SYT1: variants seen among roughly 807,000 people sequenced by gnomAD.
SYT1 encodes the protein synaptotagmin 1.
A neutral mutation model predicts 44.8 loss-of-function variants in SYT1; 8 were observed. The observed-to-expected ratio is 0.18, with a 90% CI of 0.10 to 0.32. The LOEUF (loss-of-function observed/expected upper bound fraction) is 0.32, where lower values mean the gene tolerates loss of function less well. Among genes scored for constraint, SYT1 ranks in the 10% least tolerant of loss-of-function variants. The pLI, the probability that SYT1 is intolerant of heterozygous loss-of-function variation, is 1.00. For missense variants in SYT1, 286 were observed against 509.3 expected (o/e 0.56, Z 4.22); for synonymous variants, 154 against 188.8 (o/e 0.82, Z 1.51).
At chr12:78,947,323 T>C (rs192054634) in intron 1 of SYT1, among the ~76,000 whole-genome samples, 119 of 152,262 alleles carry the variant, frequency 7.8e-4, no homozygotes, top group Non-Finnish European at 1.5e-3. Context: ...CAAAGCTCTT[T>C]TCCTGAAGGA....
At chr12:79,293,926 A>C (rs976698450) in intron 6 of SYT1, among the ~76,000 whole-genome samples, 1 of 152,138 alleles carries the variant, frequency 6.6e-6, no homozygotes, top group Admixed American at 6.5e-5. Flanking sequence ...CTTCTATGAA[A>C]ATTTGAGCAT....
At chr12:79,222,108 A>T (rs1416821767) in intron 4 of SYT1, among the ~76,000 whole-genome samples, 1 of 152,070 alleles carries the variant, frequency 6.6e-6, no homozygotes, top group Non-Finnish European at 1.5e-5. Context: ...AGCATGTTTT[A>T]TAATATTCCA....
At chr12:78,881,490 T>C (rs1043212271) in intron 1 of SYT1, among the ~76,000 whole-genome samples, 1 of 151,788 alleles carries the variant, frequency 6.6e-6, no homozygotes, top group Non-Finnish European at 1.5e-5. Flanking sequence ...TGGAGGAATG[T>C]CTGGCACATA....
chr12:79,416,527 G>A (rs759307098), intron 9 of SYT1, among the ~76,000 whole-genome samples: 46 of 152,090 alleles, frequency 3.0e-4, no homozygotes, highest in Non-Finnish European at 5.0e-4. Context: ...TTTTTTCAAA[G>A]ATTAAAAAAT....
chr12:79,178,943 G>T lies in SYT1; in HGVS notation c.-17-38560G>T, dbSNP rs60865546. Reference sequence around the variant, plus strand: ...ATATAGATATATCTATATAGATATAGATATAGATATAGATATAGATATAGA... The same window carrying T: ...ATATAGATATATCTATATAGATATATATATAGATATAGATATAGATATAGA... On this transcript the variant is annotated intron_variant, in intron 3 of 10. Coordinates refer to ENST00000261205, the MANE Select transcript of SYT1 (RefSeq NM_005639.3). 4.5e-3 allele frequency among the ~76,000 whole-genome samples: 247 copies of T among 55,238 alleles called. 33 individuals are homozygous for T. The highest frequency in any genetic ancestry group is 8.0e-3 in the African/African-American group (98 of 12,256). The allele number at this position is 55,238 out of a possible 152,430, so 36.2% of individuals were successfully genotyped here.
intron 9 of SYT1, chr12:79,392,214 T>A: frequency 6.6e-6 from 1 of 152,188 alleles, no homozygotes; most frequent in Admixed American, 6.5e-5. Flanking sequence ...GGCAATATAC[T>A]TTGGGCAATT....
intron 3 of SYT1, among the ~76,000 whole-genome samples, chr12:79,064,972 G>GA (rs1191624097): frequency 4.7e-5 from 7 of 148,214 alleles, no homozygotes; most frequent in Non-Finnish European, 7.5e-5. Context: ...AAGAAAGAAA[G>GA]AAAGAAAGAA....
chr12:79,245,751 A>G (rs1256262267), intron 4 of SYT1, among the ~76,000 whole-genome samples: 1 of 152,198 alleles, frequency 6.6e-6, no homozygotes, highest in Admixed American at 6.5e-5. Flanking sequence ...TAGATCATGT[A>G]GTAGGATAAA....
chr12:79,255,908 G>A (rs1276534212), intron 4 of SYT1, among the ~76,000 whole-genome samples: 2 of 152,176 alleles, frequency 1.3e-5, no homozygotes, highest in South Asian at 2.1e-4. Context: ...TTAGACAGAT[G>A]CCTAATAATT....
intron 2 of SYT1, among the ~76,000 whole-genome samples, chr12:79,027,384 G>A (rs1176835087): frequency 1.3e-5 from 2 of 151,478 alleles, no homozygotes; most frequent in African/African-American, 4.8e-5. Flanking sequence ...GAGTCCATGA[G>A]AGTGAGGACT....
At chr12:78,881,831 G>A (rs1187092326) in intron 1 of SYT1, among the ~76,000 whole-genome samples, 1 of 151,550 alleles carries the variant, frequency 6.6e-6, no homozygotes, top group African/African-American at 2.4e-5. Context: ...TGATTCTAGG[G>A]CTCATCTTTG....
intron 1 of SYT1, among the ~76,000 whole-genome samples, chr12:78,928,605 G>T (rs1293982091): frequency 6.6e-6 from 1 of 152,016 alleles, no homozygotes; most frequent in Non-Finnish European, 1.5e-5. Context: ...TCAATTAAGG[G>T]TTCCTTGAAC....
intron 8 of SYT1, among the ~76,000 whole-genome samples, chr12:79,331,335 A>G (rs758410638): frequency 2.0e-5 from 3 of 152,178 alleles, no homozygotes; most frequent in East Asian, 1.9e-4. Context: ...ATATATATCT[A>G]TGATTCATCT....
intron 3 of SYT1, among the ~76,000 whole-genome samples, chr12:79,137,978 A>G (rs1869308385): frequency 6.6e-6 from 1 of 152,210 alleles, no homozygotes; most frequent in Non-Finnish European, 1.5e-5. Flanking sequence ...GATAATAGAT[A>G]TTCATGTCCT....
At chr12:78,904,972 T>A (rs934455170) in intron 1 of SYT1, among the ~76,000 whole-genome samples, 20 of 152,160 alleles carry the variant, frequency 1.3e-4, no homozygotes, top group African/African-American at 4.8e-4. Flanking sequence ...ATCATTGTAT[T>A]TAATCATCTT....
chr12:78,968,649 G>C (rs566924027), intron 1 of SYT1, among the ~76,000 whole-genome samples: 2 of 152,262 alleles, frequency 1.3e-5, no homozygotes, highest in African/African-American at 4.8e-5. Flanking sequence ...TTCAACAAAT[G>C]ATTGTTGAAC....
At chr12:79,379,817 A>T (rs552023957) in intron 9 of SYT1, among the ~76,000 whole-genome samples, 1 of 152,320 alleles carries the variant, frequency 6.6e-6, no homozygotes, top group East Asian at 1.9e-4. Flanking sequence ...AAAAAACTAT[A>T]GATATTGCTG....
chr12:79,397,946 A>C (rs967600998), intron 9 of SYT1, among the ~76,000 whole-genome samples: 1 of 152,188 alleles, frequency 6.6e-6, no homozygotes, highest in Non-Finnish European at 1.5e-5. Context: ...TTCTCAGAAA[A>C]TGTTGGTGCA....
chr12:79,377,985 A>G (rs1771732905), intron 9 of SYT1, among the ~76,000 whole-genome samples: 1 of 152,164 alleles, frequency 6.6e-6, no homozygotes, highest in Non-Finnish European at 1.5e-5. Context: ...AACCATGACA[A>G]ATTTCTCATA....
Sources: gnomAD v4.1 joint callset for allele counts (sites outside exome capture counted in the v4.1 genomes callset) on GRCh38, gnomAD v4.1.1 for gene constraint, MANE v1.5 for transcripts, NCBI Gene and HGNC (gene_info 2026-07-23, HGNC 2026-07-21) for gene names.